Variants in NR3C1 observed in about 807,000 individuals in gnomAD.
NR3C1 encodes the protein glucocorticoid receptor.
Under a neutral mutation model 74.0 loss-of-function variants are expected in NR3C1, and 14 were observed. The ratio of observed to expected loss-of-function variants is 0.19; its 90% confidence interval spans 0.12 to 0.30. The LOEUF (loss-of-function observed/expected upper bound fraction) is 0.30. NR3C1 is among the 10% of genes least tolerant of loss of function. NR3C1 has a pLI of 1.00. For synonymous variants in NR3C1, 308 were observed against 332.5 expected (o/e 0.93, Z 0.80); for missense variants, 695 against 909.8 (o/e 0.76, Z 3.04).
intron 1 of NR3C1, among the ~76,000 whole-genome samples, chr5:143,416,087 G>A (rs1288354417): frequency 6.6e-6 from 1 of 152,176 alleles, no homozygotes; most frequent in African/African-American, 2.4e-5. Flanking sequence ...ATGCTTGATG[G>A]CTGCCTCCAT....
intron 6 of NR3C1, 58 bp from the exon 7 acceptor site, chr5:143,295,648 G>T: frequency 6.9e-7 from 1 of 1,457,236 alleles, no homozygotes; most frequent in Non-Finnish European, 9.6e-7. Context: ...CCCCCAAAAA[G>T]CACATTTTTG....
chr5:143,330,342 CA>C, intron 2 of NR3C1, among the ~76,000 whole-genome samples: 1 of 152,192 alleles, frequency 6.6e-6, no homozygotes, highest in South Asian at 2.1e-4. Flanking sequence ...GGGAGATGTG[CA>C]ATGTGGAAGC....
At chr5:143,357,059 G>C (rs567980009) in intron 2 of NR3C1, among the ~76,000 whole-genome samples, 57 of 152,314 alleles carry the variant, frequency 3.7e-4, no homozygotes, top group African/African-American at 1.1e-3. Flanking sequence ...ATAATGCTGA[G>C]GCAGCAGTGG....
chr5:143,430,082 C>CA (rs796291345), intron 1 of NR3C1, among the ~76,000 whole-genome samples: 4,020 of 95,474 alleles, frequency 0.042, 95 homozygotes, highest in Middle Eastern at 0.1. Flanking sequence ...ACTCCATCTC[C>CA]AAAAAAAAAA....
At chr5:143,321,210 G>A (rs1302978198) in intron 2 of NR3C1, among the ~76,000 whole-genome samples, 2 of 152,214 alleles carry the variant, frequency 1.3e-5, no homozygotes, top group East Asian at 1.9e-4. Context: ...AAGGTATCTC[G>A]AGCATCTTTG....
intron 2 of NR3C1, among the ~76,000 whole-genome samples, chr5:143,320,692 A>G (rs1201402948): frequency 6.6e-6 from 1 of 152,232 alleles, no homozygotes; most frequent in Non-Finnish European, 1.5e-5. Context: ...TAATCATGTT[A>G]TCTATGCTAC....
At chr5:143,393,484 G>A (rs1280851133) in intron 2 of NR3C1, among the ~76,000 whole-genome samples, 1 of 152,032 alleles carries the variant, frequency 6.6e-6, no homozygotes, top group Non-Finnish European at 1.5e-5. Flanking sequence ...TTTTAGTTGA[G>A]TATTTTTCTT....
At chr5:143,283,200 A>G (rs1162872076) in intron 7 of NR3C1, among the ~76,000 whole-genome samples, 3 of 152,212 alleles carry the variant, frequency 2.0e-5, no homozygotes, top group Non-Finnish European at 4.4e-5. Flanking sequence ...CTTTTTATAC[A>G]TGCAAGATGG....
intron 2 of NR3C1, among the ~76,000 whole-genome samples, chr5:143,394,159 A>T (rs1220808117): frequency 1.3e-5 from 2 of 152,070 alleles, no homozygotes; most frequent in African/African-American, 4.8e-5. Flanking sequence ...AAAAAGAAAA[A>T]ATATTTAAAA....
intron 1 of NR3C1, among the ~76,000 whole-genome samples, chr5:143,420,045 GAA>G (rs1751139651): frequency 6.6e-6 from 1 of 152,188 alleles, no homozygotes; most frequent in Admixed American, 6.5e-5. Context: ...GCTTTTGAAA[GAA>G]GAGAAATATG....
At chr5:143,295,090 G>C in intron 7 of NR3C1, 1 of 985,294 alleles carries the variant, frequency 1.0e-6, no homozygotes, top group Non-Finnish European at 1.2e-6. Flanking sequence ...ATACTCATTA[G>C]GAAACTAAAA....
chr5:143,421,165 A>G (rs1041527335), intron 1 of NR3C1, among the ~76,000 whole-genome samples: 15 of 152,158 alleles, frequency 9.9e-5, no homozygotes, highest in Non-Finnish European at 1.5e-5. Context: ...ACAAATGGCT[A>G]GCTACCAATG....
intron 2 of NR3C1, among the ~76,000 whole-genome samples, chr5:143,323,077 A>G (rs1181863328): frequency 6.6e-6 from 1 of 152,224 alleles, no homozygotes; most frequent in Non-Finnish European, 1.5e-5. Context: ...GAAATAATTA[A>G]TAAGTTTTAA....
intron 2 of NR3C1, among the ~76,000 whole-genome samples, chr5:143,362,972 T>C (rs2963154): frequency 0.15 from 22,350 of 152,138 alleles, 1,806 homozygotes; most frequent in African/African-American, 0.17. Flanking sequence ...GCTGTGTATA[T>C]GCTCAGGAAA....
chr5:143,350,170 T>G (rs1054376513), intron 2 of NR3C1, among the ~76,000 whole-genome samples: 2 of 152,122 alleles, frequency 1.3e-5, no homozygotes, highest in African/African-American at 2.4e-5. Flanking sequence ...CCTAGGGTGT[T>G]CTAAAGAGGG....
At chr5:143,414,137 C>A (rs1391774403) in intron 1 of NR3C1, among the ~76,000 whole-genome samples, 12 of 152,156 alleles carry the variant, frequency 7.9e-5, no homozygotes, top group Admixed American at 7.9e-4. Flanking sequence ...AAATGTTACA[C>A]AAATGAATTG....
intron 1 of NR3C1, among the ~76,000 whole-genome samples, chr5:143,401,639 T>C (rs1315743633): frequency 6.6e-6 from 1 of 152,236 alleles, no homozygotes; most frequent in Non-Finnish European, 1.5e-5. Flanking sequence ...AACTTAAATA[T>C]AGCTGACCCT....
intron 2 of NR3C1, among the ~76,000 whole-genome samples, chr5:143,394,727 G>C (rs950494335): frequency 2.0e-5 from 3 of 151,954 alleles, no homozygotes; most frequent in Non-Finnish European, 4.4e-5. Context: ...GTCAGTTTTA[G>C]ATTTCTACCT....
intron 2 of NR3C1, among the ~76,000 whole-genome samples, chr5:143,338,143 G>A (rs991705356): frequency 6.6e-6 from 1 of 152,162 alleles, no homozygotes; most frequent in Non-Finnish European, 1.5e-5. Flanking sequence ...CTGCAGCTGT[G>A]CATTGTAATA....
Sources: gnomAD v4.1 joint callset for allele counts (sites outside exome capture counted in the v4.1 genomes callset) on GRCh38, gnomAD v4.1.1 for gene constraint, MANE v1.5 for transcripts, NCBI Gene and HGNC (gene_info 2026-07-23, HGNC 2026-07-21) for gene names.